Variants in RICTOR observed in about 807,000 individuals in gnomAD.
The protein encoded by RICTOR is rapamycin-insensitive companion of mTOR.
RICTOR carries 49 observed loss-of-function variants against 214.9 expected under a neutral mutation model. That is an observed-to-expected ratio of 0.23 (90% CI 0.18 to 0.29). The LOEUF is 0.29. Among genes scored for constraint, RICTOR ranks in the 10% least tolerant of loss-of-function variants. The pLI, the probability that RICTOR is intolerant of heterozygous loss-of-function variation, is 1.00. For missense variants in RICTOR, 1,625 were observed against 2,047.0 expected (o/e 0.79, Z 3.98); for synonymous variants, 717 against 711.3 (o/e 1.01, Z -0.13).
chr5:39,047,127 G>A (rs1757549403), intron 2 of RICTOR, among the ~76,000 whole-genome samples: 1 of 152,054 alleles, frequency 6.6e-6, no homozygotes, highest in Non-Finnish European at 1.5e-5. Context: ...TGGACTCCCT[G>A]GAATCTACTC....
chr5:39,046,796 G>C (rs1444230640), intron 2 of RICTOR, among the ~76,000 whole-genome samples: 1 of 152,042 alleles, frequency 6.6e-6, no homozygotes, highest in Non-Finnish European at 1.5e-5. Flanking sequence ...TGAGTTAAAT[G>C]AAGGTTGCCA....
chr5:38,990,610 T>G (rs1752563244), intron 7 of RICTOR, among the ~76,000 whole-genome samples: 1 of 116,600 alleles, frequency 8.6e-6, no homozygotes, highest in Admixed American at 9.1e-5. Flanking sequence ...ATATATGATA[T>G]ATATACGATA....
chr5:39,052,302 G>A (rs1757910399), intron 2 of RICTOR, among the ~76,000 whole-genome samples: 1 of 152,142 alleles, frequency 6.6e-6, no homozygotes, highest in African/African-American at 2.4e-5. Context: ...CTTGAGCCCA[G>A]GAGTTTGAGG....
chr5:39,044,384 C>T (rs946999287), intron 2 of RICTOR, among the ~76,000 whole-genome samples: 7 of 152,104 alleles, frequency 4.6e-5, no homozygotes, highest in Non-Finnish European at 1.0e-4. Context: ...TTTTAACAAT[C>T]TGGCATTTAT....
intron 10 of RICTOR, among the ~76,000 whole-genome samples, chr5:38,975,027 A>G (rs532007305): frequency 6.6e-6 from 1 of 152,346 alleles, no homozygotes; most frequent in South Asian, 2.1e-4. Flanking sequence ...CAAAACCCCA[A>G]TGTTATTAAC....
At position 38,957,717 on chromosome 5, in the gene RICTOR, G is replaced by A; in HGVS notation, c.2434C>T (p.Pro812Ser). The change falls in exon 25 of 38, where the codon CCA (proline) becomes TCA (serine). Residue 812 changes from proline (P) to serine (S), a missense_variant. Around this residue, in one of 5 missense-constraint regions of RICTOR, gnomAD observed 1,214 missense variants for 1,470.5 expected, o/e 0.83. Transcript: ENST00000357387. ...TCATTCAGATAGGAAAATCCTTTTGGAATGGAGAGAAATCTGCAAATTAAA... is the reference window on the plus strand; with the variant it reads ...TCATTCAGATAGGAAAATCCTTTTGAAATGGAGAGAAATCTGCAAATTAAA... ...LLLLLRFLSI[P>S]KGFSYLNERG... 1 of 1,577,288 alleles carries A rather than the reference G, an allele frequency of 6.3e-7. No homozygotes were observed. The highest frequency in any genetic ancestry group is 8.7e-7 in the Non-Finnish European group (1 of 1,153,912).
chr5:38,984,711 C>T (rs941214269), intron 7 of RICTOR, among the ~76,000 whole-genome samples: 1 of 152,020 alleles, frequency 6.6e-6, no homozygotes, highest in African/African-American at 2.4e-5. Flanking sequence ...AGGAATGTAA[C>T]CAACACCATT....
intron 10 of RICTOR, among the ~76,000 whole-genome samples, chr5:38,973,997 T>G (rs1325671310): frequency 4.6e-5 from 7 of 152,344 alleles, no homozygotes; most frequent in African/African-American, 1.7e-4. Flanking sequence ...CTTATAATGC[T>G]GATATTTCTC....
rs1369509753 is a variant in RICTOR, at chr5:38,950,650, T to C, written c.3198A>G (p.Glu1066=). The C allele has an allele frequency of 1.2e-6, 2 of 1,612,004 alleles. No individual in the cohort carries two copies. Among genetic ancestry groups the C allele is most frequent in the East Asian group, 2.2e-5 (1 of 44,860 alleles). ...GGTCATAAAATGTTGGCTCTGTATC[T>C]TCATTGATATCAAGGAAAAATGTGC... is the stretch of plus-strand genomic sequence containing the variant. The part of the protein sequence containing the change: ...STSTFFLDIN[E]DTEPTFYDRS... The change falls in exon 31 of 38, where the codon GAA becomes GAG. Residue 1066 remains glutamate (E), a synonymous_variant. Transcript: ENST00000357387.
At chr5:38,995,793 AT>A (rs1753137977) in intron 6 of RICTOR, among the ~76,000 whole-genome samples, 1 of 152,170 alleles carries the variant, frequency 6.6e-6, no homozygotes, top group Non-Finnish European at 1.5e-5. Context: ...AAAACCATAG[AT>A]TTTTAAAATC....
At chr5:39,047,402 A>C (rs1757567573) in intron 2 of RICTOR, among the ~76,000 whole-genome samples, 1 of 152,170 alleles carries the variant, frequency 6.6e-6, no homozygotes, top group South Asian at 2.1e-4. Context: ...ATCTGACAGA[A>C]GGCAGAGCAG....
At chr5:38,967,859 T>A in intron 12 of RICTOR, 84 bp downstream of exon 12, 1 of 679,808 alleles carries the variant, frequency 1.5e-6, no homozygotes, top group South Asian at 2.0e-5. Flanking sequence ...TGTTCAATAA[T>A]TTAGTATTTC....
At chr5:39,037,631 G>A (rs1756824696) in intron 2 of RICTOR, among the ~76,000 whole-genome samples, 1 of 152,064 alleles carries the variant, frequency 6.6e-6, no homozygotes, top group Non-Finnish European at 1.5e-5. Context: ...AATGACAAAG[G>A]GGGTATCACC....
At chr5:38,958,276 A>G (rs1036728146) in intron 24 of RICTOR, among the ~76,000 whole-genome samples, 167 bp downstream of exon 24, 2 of 152,034 alleles carry the variant, frequency 1.3e-5, no homozygotes, top group Non-Finnish European at 2.9e-5. Flanking sequence ...TGAACAGACC[A>G]AAAAAATTAA....
intron 21 of RICTOR, 46 bp from the exon 22 acceptor site, chr5:38,959,367 T>C: frequency 1.9e-6 from 2 of 1,060,868 alleles, no homozygotes; most frequent in South Asian, 1.6e-5. Flanking sequence ...AATTACTATA[T>C]TGATACATTA....
At position 38,996,824 on chromosome 5, in the gene RICTOR, T is replaced by C. The variant is rs774418583; in HGVS notation, c.451A>G (p.Arg151Gly). The C allele has an allele frequency of 1.2e-6, 2 of 1,606,846 alleles. No homozygotes were observed. Among genetic ancestry groups the C allele is most frequent in the Non-Finnish European group, 8.5e-7 (1 of 1,173,766 alleles). Residue 151 changes from arginine to glycine, a missense_variant, in exon 6 of 38, where the codon AGA becomes GGA. Physicochemically the swap from Arg to Gly is moderately radical, Grantham distance 125. Around this residue, in one of 5 missense-constraint regions of RICTOR, gnomAD observed 258 missense variants for 393.7 expected, o/e 0.66. Transcript: ENST00000357387. The part of the protein sequence containing the change: ...VERTQALRLV[R>G]KMITVNASLF... Reference sequence around the variant, plus strand: ...CTCTCACACATAGAGCATACCTTTCTGACTAATCGAAGTGCTTGTGTCCTC... The same window carrying C: ...CTCTCACACATAGAGCATACCTTTCCGACTAATCGAAGTGCTTGTGTCCTC...
At chr5:38,974,925 A>C (rs894114754) in intron 10 of RICTOR, among the ~76,000 whole-genome samples, 3 of 152,220 alleles carry the variant, frequency 2.0e-5, no homozygotes, top group South Asian at 2.1e-4. Flanking sequence ...CTTCACAATA[A>C]TACTAAATCA....
chr5:38,953,280 T>C (rs2112875432), intron 28 of RICTOR, among the ~76,000 whole-genome samples, 181 bp downstream of exon 28: 1 of 152,022 alleles, frequency 6.6e-6, no homozygotes, highest in Admixed American at 6.6e-5. Flanking sequence ...ATGAAACCAA[T>C]AGTTCAACCA....
chr5:39,045,251 G>T (rs1757410010), intron 2 of RICTOR, among the ~76,000 whole-genome samples: 1 of 152,076 alleles, frequency 6.6e-6, no homozygotes, highest in South Asian at 2.1e-4. Context: ...CTACAGAAAT[G>T]ACTATCATTC....
Sources: allele counts gnomAD v4.1 joint callset (sites outside exome capture counted in the v4.1 genomes callset), GRCh38; gene constraint gnomAD v4.1.1; regional missense constraint gnomAD v4.1.1; transcripts MANE v1.5; gene names NCBI Gene and HGNC (gene_info 2026-07-23, HGNC 2026-07-21).